SSH2: variants seen among roughly 807,000 people sequenced by gnomAD.
SSH2 encodes the protein protein phosphatase Slingshot homolog 2.
Under a neutral mutation model 135.2 loss-of-function variants are expected in SSH2, and 37 were observed. The ratio of observed to expected loss-of-function variants is 0.27; its 90% CI spans 0.21 to 0.36. SSH2 has a LOEUF of 0.36. Among genes scored for constraint, SSH2 ranks in the 10% least tolerant of loss-of-function variants. SSH2 has a pLI of 1.00. For synonymous variants in SSH2, 628 were observed against 646.2 expected (o/e 0.97, Z 0.43); for missense variants, 1,408 against 1,765.3 (o/e 0.80, Z 3.63).
chr17:29,632,540 C>T lies in SSH2; in HGVS notation c.2654G>A (p.Gly885Asp), dbSNP rs2035730417. 1 of 1,614,102 alleles carries T rather than the reference C, an allele frequency of 6.2e-7. No individual in the cohort carries two copies. The highest frequency in any genetic ancestry group is 8.5e-7 in the Non-Finnish European group (1 of 1,180,044). The change falls in exon 16 of 16, where the codon GGT becomes GAT. Residue 885 changes from glycine (G) to aspartate (D), a missense_variant. Gly to Asp is a moderately conservative substitution (Grantham distance 94). This residue lies in a region of SSH2 where 1,080 missense variants were observed against 1,144.5 expected (regional missense o/e 0.94). Transcript: ENST00000540801. Reference protein sequence around the residue: ...QELQGSGMHPGAKWYPGSVRR... With the variant: ...QELQGSGMHPDAKWYPGSVRR... ...CACAGACCCAGGGTACCACTTGGCA[C>T]CTGGGTGCATCCCTGAGCCCTGGAG...
At chr17:29,854,520 T>C (rs75486571) in intron 1 of SSH2, among the ~76,000 whole-genome samples, 4,451 of 151,900 alleles carry the variant, frequency 0.029, 98 homozygotes, top group African/African-American at 0.035. Flanking sequence ...GGAACAATTA[T>C]AGTAATAAAA....
At chr17:29,699,873 G>A (rs2038908875) in intron 4 of SSH2, among the ~76,000 whole-genome samples, 1 of 152,244 alleles carries the variant, frequency 6.6e-6, no homozygotes, top group South Asian at 2.1e-4. Context: ...GGGCACTGGG[G>A]AGGAAGGTTT....
chr17:29,707,827 G>A (rs548819356), intron 3 of SSH2, among the ~76,000 whole-genome samples: 19 of 152,074 alleles, frequency 1.2e-4, no homozygotes, highest in African/African-American at 3.9e-4. Context: ...TGCCCAACCC[G>A]AGACTACTAT....
At chr17:29,657,007 C>A (rs1454908773) in intron 11 of SSH2, among the ~76,000 whole-genome samples, 1 of 152,174 alleles carries the variant, frequency 6.6e-6, no homozygotes, top group Non-Finnish European at 1.5e-5. Context: ...GACAGAGTCA[C>A]CCAGGCTACA....
intron 3 of SSH2, among the ~76,000 whole-genome samples, chr17:29,757,806 G>T (rs542055898): frequency 6.4e-4 from 84 of 132,090 alleles, no homozygotes; most frequent in South Asian, 1.9e-3. Flanking sequence ...GGGGGCCGGG[G>T]TTGGGGGCGC....
At chr17:29,660,346 A>G (rs1037756977) in intron 11 of SSH2, among the ~76,000 whole-genome samples, 9 of 150,472 alleles carry the variant, frequency 6.0e-5, no homozygotes, top group Non-Finnish European at 1.0e-4. Context: ...AGCTCACCGC[A>G]ACCTCTGCCT....
chr17:29,773,261 G>C (rs1393113874), intron 3 of SSH2, among the ~76,000 whole-genome samples: 1 of 152,072 alleles, frequency 6.6e-6, no homozygotes, highest in Non-Finnish European at 1.5e-5. Context: ...TCAGAACTGA[G>C]TTTCTATCCA....
chr17:29,656,342 G>C (rs1015435667), intron 11 of SSH2, among the ~76,000 whole-genome samples: 1 of 152,034 alleles, frequency 6.6e-6, no homozygotes, highest in Non-Finnish European at 1.5e-5. Flanking sequence ...ATGCCCAGCT[G>C]ATTTTTGTAT....
At chr17:29,856,520 A>G (rs2065665980) in intron 1 of SSH2, among the ~76,000 whole-genome samples, 1 of 152,202 alleles carries the variant, frequency 6.6e-6, no homozygotes, top group Non-Finnish European at 1.5e-5. Flanking sequence ...GGCTGCAGTG[A>G]GCCGTGATCC....
At chr17:29,643,655 G>A (rs2036257332) in intron 14 of SSH2, among the ~76,000 whole-genome samples, 1 of 152,034 alleles carries the variant, frequency 6.6e-6, no homozygotes, top group Admixed American at 6.6e-5. Context: ...CACCATGCCT[G>A]GCTAATTTTT....
intron 2 of SSH2, among the ~76,000 whole-genome samples, chr17:29,815,368 C>T (rs560358606): frequency 2.0e-5 from 3 of 151,922 alleles, no homozygotes; most frequent in South Asian, 4.2e-4. Context: ...GTGATCCGCC[C>T]GCCTTGGCCT....
intron 3 of SSH2, among the ~76,000 whole-genome samples, chr17:29,709,015 T>TATATATATATATAGAGAGAGAGAG (rs780981175): frequency 4.9e-5 from 4 of 81,588 alleles, no homozygotes; most frequent in African/African-American, 1.2e-4. Context: ...TATATATATA[T>TATATATATATATAGAGAGAGAGAG]AGAGAGAGAG....
At chr17:29,655,975 T>C (rs963846093) in intron 11 of SSH2, among the ~76,000 whole-genome samples, 2 of 152,170 alleles carry the variant, frequency 1.3e-5, no homozygotes, top group African/African-American at 4.8e-5. Flanking sequence ...TTTGTACCTA[T>C]ATATTTATTT....
chr17:29,660,226 C>A (rs1051820344), intron 11 of SSH2, among the ~76,000 whole-genome samples: 1 of 151,436 alleles, frequency 6.6e-6, no homozygotes, highest in Non-Finnish European at 1.5e-5. Flanking sequence ...GACTGCCCTT[C>A]CTACTGTGGG....
chr17:29,862,045 C>A (rs545673170), intron 1 of SSH2, among the ~76,000 whole-genome samples: 4 of 152,270 alleles, frequency 2.6e-5, no homozygotes, highest in Admixed American at 2.6e-4. Context: ...ATAGCTTTTT[C>A]TGGAGAGGTG....
chr17:29,738,247 G>A (rs1452880212), intron 3 of SSH2, among the ~76,000 whole-genome samples: 1 of 136,828 alleles, frequency 7.3e-6, no homozygotes, highest in Admixed American at 7.1e-5. Context: ...TCCCTAAAAA[G>A]GACATGAACT....
rs117535918 is a variant in SSH2, at chr17:29,804,632, G to C, written c.145-10695C>G. Among the ~76,000 whole-genome samples the C allele has an allele frequency of 2.1e-3, 317 of 152,260 alleles. 9 individuals carry two copies. In the East Asian group the frequency reaches 0.055, roughly 26 times the overall value. On this transcript the variant is annotated intron_variant, in intron 2 of 15. Transcript: ENST00000540801. ...TGTTATACAGTCTTTTCTATCACTA[G>C]AGATCAAATTCATTGGTTTTAGAAA...
At chr17:29,738,087 CCCA>C (rs2040431141) in intron 3 of SSH2, among the ~76,000 whole-genome samples, 1 of 152,154 alleles carries the variant, frequency 6.6e-6, no homozygotes, top group South Asian at 2.1e-4. Flanking sequence ...CTCCCGTGAC[CCCA>C]CAAGGGGCCC....
intron 5 of SSH2, among the ~76,000 whole-genome samples, chr17:29,687,411 C>CT (rs2038271154): frequency 1.3e-5 from 2 of 152,174 alleles, no homozygotes; most frequent in Admixed American, 6.5e-5. Flanking sequence ...GAGAGCTGTA[C>CT]TTTTGACTTC....
Sources: allele counts gnomAD v4.1 joint callset (sites outside exome capture counted in the v4.1 genomes callset), GRCh38; gene constraint gnomAD v4.1.1; regional missense constraint gnomAD v4.1.1; transcripts MANE v1.5; gene names NCBI Gene and HGNC (gene_info 2026-07-23, HGNC 2026-07-21).